PPP1R3A: variants seen among roughly 807,000 people sequenced by gnomAD.
The protein encoded by PPP1R3A is protein phosphatase 1 regulatory subunit 3A.
A neutral mutation model predicts 41.7 loss-of-function variants in PPP1R3A; 29 were observed. The observed-to-expected ratio is 0.70, with a 90% CI of 0.52 to 0.95. The LOEUF (loss-of-function observed/expected upper bound fraction) is 0.95, where lower values mean the gene tolerates loss of function less well. Ranked by LOEUF, PPP1R3A falls within the 40% of genes least tolerant of loss-of-function variation. PPP1R3A has a pLI of 0.00. For synonymous variants in PPP1R3A, 485 were observed against 453.4 expected (o/e 1.07, Z -0.89); for missense variants, 1,352 against 1,292.4 (o/e 1.05, Z -0.71).
rs1479639012 is a variant in PPP1R3A at position 113,877,502 on chromosome 7, T to C, written c.*221A>G. 2 of 431,532 alleles carry C rather than the reference T, an allele frequency of 4.6e-6. No individual in the cohort carries two copies. Among genetic ancestry groups the C allele is most frequent in the East Asian group, 7.2e-5 (2 of 27,834 alleles). The allele number at this position is 431,532 out of a possible 1,614,324, so 26.7% of individuals were successfully genotyped here. ...TGTACCTAATTTCAACTTGACGTGC[T>C]TCAGATCTCATATTCATATAGGTAT... On this transcript the variant is annotated 3_prime_UTR_variant, in exon 4 of 4. Transcript: ENST00000284601.
intron 1 of PPP1R3A, among the ~76,000 whole-genome samples, chr7:113,897,163 C>T (rs1385497975): frequency 6.6e-6 from 1 of 151,798 alleles, no homozygotes; most frequent in Non-Finnish European, 1.5e-5. Flanking sequence ...TCAGGAGATA[C>T]AGACGCTTAG....
intron 1 of PPP1R3A, among the ~76,000 whole-genome samples, chr7:113,892,411 A>C (rs545243373): frequency 1.8e-4 from 27 of 152,098 alleles, no homozygotes; most frequent in Admixed American, 9.8e-4. Context: ...TTCTCTAAAA[A>C]TTGACTTTCT....
chr7:113,879,937 C>CT lies in PPP1R3A; in HGVS notation c.1154dup (p.Asp387ArgfsTer6). On this transcript the variant is annotated frameshift_variant, in exon 4 of 4. Transcript: ENST00000284601. LOFTEE classifies it low-confidence loss of function (END_TRUNC). ...ATTTTTCATTGCAGTAAAAATCTCC[C>CT]TTTACGGAGCTTTCTGCTGATGAAC... 1 of 1,613,508 alleles carries CT rather than the reference C, an allele frequency of 6.2e-7. No individual in the cohort carries two copies. The highest frequency in any genetic ancestry group is 8.5e-7 in the Non-Finnish European group (1 of 1,179,642).
intron 1 of PPP1R3A, among the ~76,000 whole-genome samples, chr7:113,908,980 G>A (rs938141385): frequency 6.6e-6 from 1 of 151,670 alleles, no homozygotes; most frequent in African/African-American, 2.4e-5. Context: ...CAGACACAGG[G>A]GACGATAGAA....
At position 113,918,233 on chromosome 7, in the gene PPP1R3A, C is replaced by A; in HGVS notation, c.764G>T (p.Cys255Phe). The A allele has an allele frequency of 6.2e-7, 1 of 1,600,976 alleles. No homozygotes were observed. The highest frequency in any genetic ancestry group is 1.1e-5 in the South Asian group (1 of 88,782). ...KEVPNRQIKG[C>F]LKVKSSKEES... ...TCCTCACCTTGATTTTACCTTTAAG[C>A]AGCCTTTTATTTGTCTGTTAGGAAC... The change falls in exon 1 of 4, where the codon TGC becomes TTC. Residue 255 changes from cysteine (C) to phenylalanine (F), a missense_variant. Coordinates refer to ENST00000284601, the MANE Select transcript of PPP1R3A (RefSeq NM_002711.4).
At chr7:113,912,161 A>G (rs1234422032) in intron 1 of PPP1R3A, among the ~76,000 whole-genome samples, 9 of 152,106 alleles carry the variant, frequency 5.9e-5, no homozygotes, top group Non-Finnish European at 1.2e-4. Flanking sequence ...ATACACATGT[A>G]CTTCAGACCC....
chr7:113,885,830 ATAAAT>A (rs766194256), intron 1 of PPP1R3A, among the ~76,000 whole-genome samples: 19 of 149,014 alleles, frequency 1.3e-4, no homozygotes, highest in South Asian at 2.1e-4. Context: ...CATATATATT[ATAAAT>A]TAAAGTTATA....
rs1797063668 is a variant in PPP1R3A at position 113,901,596 on chromosome 7, C to CT, written c.782+16618dup. On this transcript the variant is annotated intron_variant, in intron 1 of 3. Transcript: ENST00000284601. The stretch of plus-strand genomic sequence containing the variant: ...ATTACGAAATAAAGAATGTGTTTTG[C>CT]TTTTTTCATTTTCTTTAATATTCTT... Among the ~76,000 whole-genome samples, 3 of 151,694 alleles carry CT rather than the reference C, an allele frequency of 2.0e-5. No homozygotes were observed. In the South Asian group the frequency reaches 6.2e-4, roughly 31 times the overall value.
chr7:113,878,048 T>G lies in PPP1R3A; in HGVS notation c.3044A>C (p.Asn1015Thr), dbSNP rs149701175. 1.2e-6 allele frequency: 2 copies of G among 1,613,350 alleles called. No homozygotes were observed. The change falls in exon 4 of 4, where the codon AAC (asparagine) becomes ACC (threonine). Residue 1015 changes from asparagine (N) to threonine (T), a missense_variant. Asn to Thr is a moderately conservative substitution (Grantham distance 65). Transcript: ENST00000284601. ...TTCTTCCATATTCTCAAGAGGTTTG[T>G]TGATTAAAATCATTGGCCCTAGAGA... ...EKSLGPMILI[N>T]KPLENMEEAR...
At chr7:113,896,355 T>C (rs1160930632) in intron 1 of PPP1R3A, among the ~76,000 whole-genome samples, 1 of 146,114 alleles carries the variant, frequency 6.8e-6, no homozygotes, top group Non-Finnish European at 1.5e-5. Context: ...GCTCATGGGT[T>C]TTATTTATTT....
intron 1 of PPP1R3A, among the ~76,000 whole-genome samples, chr7:113,897,376 A>C (rs905968623): frequency 2.6e-5 from 4 of 151,788 alleles, no homozygotes; most frequent in African/African-American, 9.7e-5. Context: ...AATATGTTTT[A>C]GAATAAATTA....
chr7:113,880,170 T>A, intron 3 of PPP1R3A, 45 bp from the exon 4 acceptor site: 1 of 1,494,670 alleles, frequency 6.7e-7, no homozygotes, highest in East Asian at 2.3e-5. Context: ...ATAAGATCTT[T>A]TAAAATATAT....
In PPP1R3A at chr7:113,918,661, C is replaced by A. The variant is rs907893933; in HGVS notation, c.336G>T (p.Leu112Phe). Residue 112 changes from leucine to phenylalanine, a missense_variant, in exon 1 of 4, where the codon TTG becomes TTT. Physicochemically the swap from Leu to Phe is conservative, Grantham distance 22. Coordinates refer to ENST00000284601, the MANE Select transcript of PPP1R3A (RefSeq NM_002711.4). The part of the protein sequence containing the change: ...EEYVLAPLFD[L>F]PSSKEDLMQQ... The stretch of plus-strand genomic sequence containing the variant: ...GCATAAGATCTTCTTTTGAAGAAGG[C>A]AAGTCAAACAGTGGGGCTAAAACAT... The A allele has an allele frequency of 1.9e-6, 3 of 1,613,536 alleles. No homozygotes were observed. In the Admixed American group the frequency reaches 5.0e-5, roughly 27 times the overall value.
intron 1 of PPP1R3A, among the ~76,000 whole-genome samples, chr7:113,903,029 T>C (rs1401144063): frequency 6.6e-6 from 1 of 151,744 alleles, no homozygotes; most frequent in Non-Finnish European, 1.5e-5. Context: ...CTGCTGATAT[T>C]TGTATATTTT....
chr7:113,907,421 T>C (rs987812516), intron 1 of PPP1R3A, among the ~76,000 whole-genome samples: 1 of 151,676 alleles, frequency 6.6e-6, no homozygotes. Flanking sequence ...GCGGCTGTAA[T>C]CCCAGTTTCA....
intron 3 of PPP1R3A, among the ~76,000 whole-genome samples, chr7:113,880,786 CCTT>C (rs1213180414): frequency 1.3e-5 from 2 of 151,928 alleles, no homozygotes; most frequent in South Asian, 2.1e-4. Context: ...TACGTTTTCC[CCTT>C]CTTCTCACAT....
rs747560267 is a variant in PPP1R3A, at chr7:113,879,763, A to T, written c.1329T>A (p.Asn443Lys). 11 of 1,613,452 alleles carry T rather than the reference A, an allele frequency of 6.8e-6. No homozygotes were observed. The South Asian group carries it at 9.9e-5, about 14-fold the overall frequency. ...GCACTGTGCCATTGCCATGGGCTGGATTAGCATTATCATCCAGGACTTCTT... is the reference window on the plus strand; with the variant it reads ...GCACTGTGCCATTGCCATGGGCTGGTTTAGCATTATCATCCAGGACTTCTT... ...GSKEVLDDNANPAHGNGTVQI... is the reference protein window; with the variant it reads ...GSKEVLDDNAKPAHGNGTVQI... The change falls in exon 4 of 4, where the codon AAT (asparagine) becomes AAA (lysine). Residue 443 changes from asparagine to lysine, a missense_variant. By Grantham distance (94) the Asn-to-Lys change is moderately conservative. Coordinates refer to ENST00000284601, the MANE Select transcript of PPP1R3A (RefSeq NM_002711.4).
intron 2 of PPP1R3A, 49 bp downstream of exon 2, chr7:113,882,213 C>T: frequency 6.3e-7 from 1 of 1,593,816 alleles, no homozygotes; most frequent in Non-Finnish European, 8.6e-7. Flanking sequence ...TAATTGTAGA[C>T]TTTCACAAAA....
chr7:113,878,912 G>C lies in PPP1R3A; in HGVS notation c.2180C>G (p.Ala727Gly). 1 of 1,612,942 alleles carries C rather than the reference G, an allele frequency of 6.2e-7. No homozygotes were observed. The highest frequency in any genetic ancestry group is 1.1e-5 in the South Asian group (1 of 91,082). ...ADHGITEKAE[A>G]GTAYIIKTTS... Reference sequence around the variant, plus strand: ...TGTCTTAATTATATAGGCTGTACCAGCTTCTGCTTTCTCAGTAATGCCATG... The same window carrying C: ...TGTCTTAATTATATAGGCTGTACCACCTTCTGCTTTCTCAGTAATGCCATG... Residue 727 changes from alanine to glycine, a missense_variant, in exon 4 of 4, where the codon GCT becomes GGT. Coordinates refer to ENST00000284601, the MANE Select transcript of PPP1R3A (RefSeq NM_002711.4).
Sources: gnomAD v4.1 joint callset for allele counts (sites outside exome capture counted in the v4.1 genomes callset) on GRCh38, gnomAD v4.1.1 for gene constraint, MANE v1.5 for transcripts, NCBI Gene and HGNC (gene_info 2026-07-23, HGNC 2026-07-21) for gene names.